The following NEXMIF variants were observed in gnomAD, a reference collection of about 807,000 sequenced individuals.
NEXMIF encodes the protein neurite extension and migration factor.
In NEXMIF, 8 loss-of-function variants were observed where a neutral mutation model predicts 62.1. The observed-to-expected ratio is 0.13, with a 90% CI of 0.08 to 0.23. The LOEUF (loss-of-function observed/expected upper bound fraction) is 0.23, where lower values mean the gene tolerates loss of function less well. Among genes scored for constraint, NEXMIF ranks in the 10% least tolerant of loss-of-function variants. The pLI, the probability that NEXMIF is intolerant of heterozygous loss-of-function variation, is 1.00. For missense variants in NEXMIF, 976 were observed against 1,113.3 expected (o/e 0.88, Z 1.75); for synonymous variants, 404 against 416.6 (o/e 0.97, Z 0.37).
chrX:74,768,418 C>T (rs1364772630), intron 1 of NEXMIF, among the ~76,000 whole-genome samples: 1 of 112,324 alleles, frequency 8.9e-6, no homozygotes, highest in African/African-American at 3.2e-5. Flanking sequence ...TCTAGTTGGC[C>T]ATCTTGGCCA....
At chrX:74,878,757 T>C (rs991650767) in intron 1 of NEXMIF, among the ~76,000 whole-genome samples, 2 of 112,439 alleles carry the variant, frequency 1.8e-5, no homozygotes, top group African/African-American at 6.5e-5. Flanking sequence ...ATTTTCCAGG[T>C]GCCGTCTGTC....
At chrX:74,844,229 C>T (rs1213233817) in intron 1 of NEXMIF, among the ~76,000 whole-genome samples, 1 of 111,132 alleles carries the variant, frequency 9.0e-6, no homozygotes, top group Non-Finnish European at 1.9e-5. Context: ...TTCATTTTGA[C>T]CTTGGAAAAT....
chrX:74,824,247 A>G (rs984941139), intron 1 of NEXMIF, among the ~76,000 whole-genome samples: 1 of 111,602 alleles, frequency 9.0e-6, no homozygotes, highest in African/African-American at 3.3e-5. Flanking sequence ...CTTACCTGAG[A>G]CTTTGTGTCT....
In NEXMIF at chrX:74,742,820, G is replaced by C; in HGVS notation, c.1737C>G (p.Ala579=). 2 of 1,211,225 alleles carry C rather than the reference G, an allele frequency of 1.7e-6. No individual in the cohort carries two copies. Among genetic ancestry groups the C allele is most frequent in the South Asian group, 3.5e-5 (2 of 56,942 alleles). Residue 579 remains alanine, a synonymous_variant, in exon 3 of 4, where the codon GCC becomes GCG. Coordinates refer to ENST00000055682, the MANE Select transcript of NEXMIF (RefSeq NM_001008537.3). ...NLSENQLNKY[A]KLAPLKGFWQ... ...AGAAGCCTTTCAAGGGTGCCAGCTT[G>C]GCATATTTGTTGAGCTGATTCTCAC...
chrX:74,912,820 G>A (rs967467907), intron 1 of NEXMIF, among the ~76,000 whole-genome samples: 4 of 111,265 alleles, frequency 3.6e-5, no homozygotes, highest in African/African-American at 1.3e-4. Flanking sequence ...CCAAGCACTT[G>A]AAATGTGGCT....
chrX:74,899,356 G>A (rs1185361025), intron 1 of NEXMIF, among the ~76,000 whole-genome samples: 1 of 111,418 alleles, frequency 9.0e-6, no homozygotes, highest in Non-Finnish European at 1.9e-5. Context: ...AAAACTGTTA[G>A]AACTGATCAA....
At chrX:74,920,340 T>G (rs2080822367) in intron 1 of NEXMIF, among the ~76,000 whole-genome samples, 1 of 112,151 alleles carries the variant, frequency 8.9e-6, no homozygotes, top group Non-Finnish European at 1.9e-5. Flanking sequence ...ACATGGTATC[T>G]CATTGTGGTT....
intron 1 of NEXMIF, among the ~76,000 whole-genome samples, chrX:74,760,262 G>T (rs764053408): frequency 1.2e-4 from 13 of 112,141 alleles, no homozygotes; most frequent in Non-Finnish European, 2.1e-4. Flanking sequence ...CTTTGCTGAA[G>T]TTGTTTATTG....
chrX:74,805,230 T>C (rs1456669658), intron 1 of NEXMIF, among the ~76,000 whole-genome samples: 1 of 112,102 alleles, frequency 8.9e-6, no homozygotes, highest in Admixed American at 9.5e-5. Flanking sequence ...GATTTTTGGT[T>C]CTTATGAAGG....
At position 74,740,711 on chromosome X, in the gene NEXMIF, A is replaced by G; in HGVS notation, c.3846T>C (p.Asp1282=). The change falls in exon 3 of 4, where the codon GAT becomes GAC. Residue 1282 remains aspartate (D), a synonymous_variant. Coordinates refer to ENST00000055682, the MANE Select transcript of NEXMIF (RefSeq NM_001008537.3). ...KMPSQKGLSG[D]WALGKESSPG... Reference sequence around the variant, plus strand: ...GGCTGCTCTCCTTCCCCAAGGCCCAATCTCCAGAAAGTCCCTTTTGACTTG... The same window carrying G: ...GGCTGCTCTCCTTCCCCAAGGCCCAGTCTCCAGAAAGTCCCTTTTGACTTG... The G allele has an allele frequency of 8.3e-7, 1 of 1,211,990 alleles. No homozygotes were observed. The highest frequency in any genetic ancestry group is 1.1e-6 in the Non-Finnish European group (1 of 895,553).
chrX:74,801,698 T>G (rs2080330188), intron 1 of NEXMIF, among the ~76,000 whole-genome samples: 2 of 112,291 alleles, frequency 1.8e-5, no homozygotes, highest in African/African-American at 6.5e-5. Flanking sequence ...TGAAGGGGAC[T>G]TTGTCTTGCA....
chrX:74,759,175 A>C (rs888279715), intron 1 of NEXMIF, among the ~76,000 whole-genome samples: 3 of 111,971 alleles, frequency 2.7e-5, no homozygotes, highest in African/African-American at 9.7e-5. Context: ...TTTTTTTCAT[A>C]TGATTGTCTT....
chrX:74,925,070 C>G lies in NEXMIF; in HGVS notation c.-235G>C, dbSNP rs2080839828. On this transcript the variant is annotated 5_prime_UTR_variant, in exon 1 of 4. Transcript: ENST00000055682. ...TCTGCCTCAGCTCCATACGCTGGGC[C>G]CGCCAGGTGGACGCGCCTCTCTCCT... 1 of 118,268 alleles carries G rather than the reference C, an allele frequency of 8.5e-6. No homozygotes were observed. Among genetic ancestry groups the G allele is most frequent in the Admixed American group, 9.2e-5 (1 of 10,922 alleles). 9.7% of individuals were successfully genotyped at this position (118,268 alleles called of 1,213,427 possible). A position where few individuals can be genotyped will look rare whatever the true frequency, so the allele number is the denominator to read the frequency against.
chrX:74,849,683 A>G (rs1440539962), intron 1 of NEXMIF, among the ~76,000 whole-genome samples: 2 of 112,680 alleles, frequency 1.8e-5, no homozygotes, highest in East Asian at 5.6e-4. Flanking sequence ...TGGTGCATCC[A>G]GAGCAGAACC....
At chrX:74,831,615 C>G (rs1019358155) in intron 1 of NEXMIF, among the ~76,000 whole-genome samples, 5 of 110,493 alleles carry the variant, frequency 4.5e-5, no homozygotes, top group African/African-American at 6.6e-5. Flanking sequence ...TGGGTTGGTT[C>G]CAAGTCTTTG....
intron 1 of NEXMIF, among the ~76,000 whole-genome samples, chrX:74,888,298 T>A (rs1355478601): frequency 3.0e-5 from 3 of 99,456 alleles, no homozygotes; most frequent in Admixed American, 1.1e-4. Flanking sequence ...ATAATAATAA[T>A]AAACAAACAA....
At chrX:74,894,361 C>T (rs1206945570) in intron 1 of NEXMIF, among the ~76,000 whole-genome samples, 4 of 111,046 alleles carry the variant, frequency 3.6e-5, no homozygotes, top group African/African-American at 1.3e-4. Context: ...CTGAAAAAGA[C>T]GGCATTACAA....
intron 1 of NEXMIF, among the ~76,000 whole-genome samples, chrX:74,876,296 C>T (rs910300955): frequency 5.4e-5 from 6 of 111,222 alleles, no homozygotes; most frequent in South Asian, 3.8e-4. Context: ...TGTAGTTGAG[C>T]GGTTTTGAGT....
At chrX:74,850,413 T>C (rs936632356) in intron 1 of NEXMIF, among the ~76,000 whole-genome samples, 2 of 112,227 alleles carry the variant, frequency 1.8e-5, no homozygotes, top group African/African-American at 3.2e-5. Flanking sequence ...GGTGCAACCA[T>C]TGGCCTGCCA....
Sources: allele counts gnomAD v4.1 joint callset (sites outside exome capture counted in the v4.1 genomes callset), GRCh38; gene constraint gnomAD v4.1.1; transcripts MANE v1.5; gene names NCBI Gene and HGNC (gene_info 2026-07-23, HGNC 2026-07-21).